The following LRP1B variants were observed in gnomAD, a reference collection of about 807,000 sequenced individuals.
The protein encoded by LRP1B is LDL receptor related protein 1B.
In LRP1B, 217 loss-of-function variants were observed where a neutral mutation model predicts 556.6. That is an observed-to-expected ratio of 0.39 (90% CI 0.35 to 0.44). The LOEUF (loss-of-function observed/expected upper bound fraction) is 0.44, where lower values mean the gene tolerates loss of function less well. LRP1B is among the 20% of genes least tolerant of loss of function. The pLI is 1.00. For missense variants in LRP1B, 5,053 were observed against 5,620.8 expected (o/e 0.90, Z 3.23); for synonymous variants, 2,047 against 1,865.8 (o/e 1.10, Z -2.50).
intron 2 of LRP1B, among the ~76,000 whole-genome samples, chr2:141,523,712 C>A (rs1684601950): frequency 6.6e-6 from 1 of 152,028 alleles, no homozygotes; most frequent in Non-Finnish European, 1.5e-5. Context: ...AATAATCATC[C>A]AGAGCAGTTT....
chr2:141,861,773 T>C (rs111843958), intron 1 of LRP1B, among the ~76,000 whole-genome samples: 117 of 152,026 alleles, frequency 7.7e-4, no homozygotes, highest in African/African-American at 2.7e-3. Flanking sequence ...CTACTAAAAA[T>C]ACAAAAATTA....
chr2:140,790,113 T>C (rs1181742681), intron 32 of LRP1B, among the ~76,000 whole-genome samples: 3 of 152,178 alleles, frequency 2.0e-5, no homozygotes, highest in Non-Finnish European at 4.4e-5. Flanking sequence ...TATATATTTA[T>C]GCATTTACTA....
At chr2:141,971,486 G>A (rs1043158727) in intron 1 of LRP1B, among the ~76,000 whole-genome samples, 6 of 151,354 alleles carry the variant, frequency 4.0e-5, no homozygotes, top group Admixed American at 2.6e-4. Context: ...TAATGTGTAG[G>A]TGACCTGCTT....
intron 18 of LRP1B, among the ~76,000 whole-genome samples, chr2:140,955,395 C>A (rs1695843086): frequency 6.6e-6 from 1 of 151,816 alleles, no homozygotes; most frequent in Non-Finnish European, 1.5e-5. Flanking sequence ...ATATTACACA[C>A]AATTTTTTAT....
intron 1 of LRP1B, among the ~76,000 whole-genome samples, chr2:142,044,770 A>G (rs1437426252): frequency 1.5e-5 from 2 of 135,912 alleles, no homozygotes; most frequent in Non-Finnish European, 3.2e-5. Context: ...TCTGATACAG[A>G]AACACGCAAT....
chr2:140,849,787 G>A (rs13432608), intron 29 of LRP1B, among the ~76,000 whole-genome samples: 77,592 of 151,778 alleles, frequency 0.51, 20,680 homozygotes, highest in Middle Eastern at 0.61. Flanking sequence ...TGATCCACCC[G>A]CCTCGGCCTC....
At chr2:141,377,290 A>G (rs1006305660) in intron 3 of LRP1B, among the ~76,000 whole-genome samples, 1 of 152,194 alleles carries the variant, frequency 6.6e-6, no homozygotes, top group African/African-American at 2.4e-5. Flanking sequence ...TATATTTTAC[A>G]AATATGAAAT....
At chr2:141,275,705 C>A (rs948454630) in intron 3 of LRP1B, among the ~76,000 whole-genome samples, 1 of 151,782 alleles carries the variant, frequency 6.6e-6, no homozygotes, top group African/African-American at 2.4e-5. Flanking sequence ...AGAGTGAGAC[C>A]CTTTTTCAAA....
intron 7 of LRP1B, among the ~76,000 whole-genome samples, chr2:141,164,852 T>C (rs923382049): frequency 4.6e-5 from 7 of 152,062 alleles, no homozygotes; most frequent in Non-Finnish European, 7.4e-5. Flanking sequence ...AGAATTCCTC[T>C]GCTGATTGAA....
chr2:140,965,670 A>AG (rs1214393768), intron 18 of LRP1B, among the ~76,000 whole-genome samples: 1 of 152,034 alleles, frequency 6.6e-6, no homozygotes, highest in East Asian at 1.9e-4. Context: ...CTCGTCATTT[A>AG]CATTAGGTAT....
At chr2:140,681,577 A>C (rs1219508912) in intron 41 of LRP1B, among the ~76,000 whole-genome samples, 1 of 152,148 alleles carries the variant, frequency 6.6e-6, no homozygotes, top group Non-Finnish European at 1.5e-5. Context: ...TGTTCTTGGT[A>C]GATACTAAAT....
At chr2:140,610,105 C>T (rs1365156750) in intron 41 of LRP1B, among the ~76,000 whole-genome samples, 1 of 151,632 alleles carries the variant, frequency 6.6e-6, no homozygotes, top group Non-Finnish European at 1.5e-5. Flanking sequence ...CCGGGTCTGA[C>T]GTTCCTTTGT....
intron 43 of LRP1B, among the ~76,000 whole-genome samples, chr2:140,571,611 T>C (rs1482529042): frequency 9.0e-6 from 1 of 111,618 alleles, no homozygotes; most frequent in Non-Finnish European, 1.8e-5. Flanking sequence ...ATGCAATCCC[T>C]ATCAAAATAC....
At chr2:140,963,547 G>A (rs1696103072) in intron 18 of LRP1B, among the ~76,000 whole-genome samples, 1 of 152,136 alleles carries the variant, frequency 6.6e-6, no homozygotes, top group African/African-American at 2.4e-5. Flanking sequence ...CAAAATATCT[G>A]TCAGCATCAT....
intron 43 of LRP1B, among the ~76,000 whole-genome samples, chr2:140,583,815 A>T (rs909540238): frequency 1.3e-5 from 2 of 151,998 alleles, no homozygotes; most frequent in African/African-American, 4.8e-5. Flanking sequence ...AGATCTTGTT[A>T]TAATAACATT....
At chr2:141,690,939 A>C (rs1213475241) in intron 2 of LRP1B, among the ~76,000 whole-genome samples, 2 of 151,848 alleles carry the variant, frequency 1.3e-5, no homozygotes, top group Non-Finnish European at 1.5e-5. Flanking sequence ...CACATGAGAC[A>C]TACGGGGGAC....
At chr2:141,307,405 T>G (rs932584260) in intron 3 of LRP1B, among the ~76,000 whole-genome samples, 2 of 152,178 alleles carry the variant, frequency 1.3e-5, no homozygotes, top group Non-Finnish European at 2.9e-5. Context: ...AAAGTCTGTA[T>G]TATCTGGTAT....
chr2:140,248,381 A>G (rs16843663), intron 86 of LRP1B, among the ~76,000 whole-genome samples: 8,781 of 151,764 alleles, frequency 0.058, 318 homozygotes, highest in African/African-American at 0.11. Context: ...TAAATTTAAA[A>G]CTATGAATAT....
At chr2:140,661,346 TG>T (rs1283942866) in intron 41 of LRP1B, among the ~76,000 whole-genome samples, 4 of 151,932 alleles carry the variant, frequency 2.6e-5, no homozygotes, top group Admixed American at 6.6e-5. Context: ...TTTGAGACTA[TG>T]GGTCCACAGA....
Sources: allele counts gnomAD v4.1 joint callset (sites outside exome capture counted in the v4.1 genomes callset), GRCh38; gene constraint gnomAD v4.1.1; transcripts MANE v1.5; gene names NCBI Gene and HGNC (gene_info 2026-07-23, HGNC 2026-07-21).